The following EYS variants were observed in gnomAD, a reference collection of about 807,000 sequenced individuals.
EYS encodes the protein EGF-like photoreceptor maintenance factor, also known as protein eyes shut homolog.
Under a neutral mutation model 282.1 loss-of-function variants are expected in EYS, and 250 were observed. That is an observed-to-expected ratio of 0.89 (90% CI 0.80 to 0.98). The LOEUF is 0.98. Among genes scored for constraint, EYS ranks in the 50% least tolerant of loss-of-function variants. The probability of loss-of-function intolerance (pLI) is 0.00; values close to 1 mark genes in which losing one functional copy is unlikely to be tolerated. For missense variants in EYS, 4,016 were observed against 3,709.0 expected, an observed-to-expected ratio of 1.08 and a Z score of -2.15; for synonymous variants, 1,355 against 1,282.9, an observed-to-expected ratio of 1.06 and a Z score of -1.20.
intron 35 of EYS, among the ~76,000 whole-genome samples, chr6:63,940,077 C>A (rs1464417953): frequency 6.6e-6 from 1 of 152,154 alleles, no homozygotes; most frequent in African/African-American, 2.4e-5. Flanking sequence ...TTGCATATTG[C>A]AGTAAAAACT....
chr6:65,663,838 G>A (rs1380553397), intron 1 of EYS, among the ~76,000 whole-genome samples: 2 of 146,482 alleles, frequency 1.4e-5, no homozygotes, highest in Non-Finnish European at 3.0e-5. Flanking sequence ...CCGCCACCAC[G>A]CCCAGCTAAT....
intron 5 of EYS, among the ~76,000 whole-genome samples, chr6:65,486,558 T>A (rs1765792125): frequency 6.6e-6 from 1 of 152,214 alleles, no homozygotes; most frequent in African/African-American, 2.4e-5. Context: ...CCTCCATGAT[T>A]CAAGAAAGAC....
At chr6:64,608,941 G>A (rs1767020038) in intron 24 of EYS, among the ~76,000 whole-genome samples, 1 of 152,098 alleles carries the variant, frequency 6.6e-6, no homozygotes, top group African/African-American at 2.4e-5. Flanking sequence ...GGATTTTTAG[G>A]GCATTGTTAC....
intron 30 of EYS, among the ~76,000 whole-genome samples, chr6:64,242,246 C>G (rs1252037576): frequency 6.6e-6 from 1 of 151,986 alleles, no homozygotes; most frequent in Admixed American, 6.6e-5. Context: ...GTTGATCTGT[C>G]TAATATTGAC....
At chr6:64,142,169 C>T (rs75520313) in intron 31 of EYS, among the ~76,000 whole-genome samples, 3,617 of 152,020 alleles carry the variant, frequency 0.024, 128 homozygotes, top group African/African-American at 0.074. Flanking sequence ...CCATGCTGAC[C>T]GTTACCTCTG....
At chr6:65,610,714 A>T (rs948484657) in intron 2 of EYS, among the ~76,000 whole-genome samples, 6 of 152,090 alleles carry the variant, frequency 3.9e-5, no homozygotes, top group African/African-American at 1.4e-4. Context: ...TTTTCACAGG[A>T]TGATATGATG....
At chr6:64,430,354 G>A (rs1013939000) in intron 28 of EYS, among the ~76,000 whole-genome samples, 25 of 152,230 alleles carry the variant, frequency 1.6e-4, no homozygotes, top group Non-Finnish European at 2.5e-4. Context: ...CCAGTACGCC[G>A]GGTGAATCCT....
intron 5 of EYS, among the ~76,000 whole-genome samples, chr6:65,459,968 T>TTATATATATATATATATATA (rs34762215): frequency 1.2e-5 from 1 of 80,672 alleles, no homozygotes; most frequent in Non-Finnish European, 2.6e-5. Flanking sequence ...TTTGTGTATT[T>TTATATATATATATATATATA]TATATATATA....
At chr6:65,538,872 G>C (rs1044203089) in intron 2 of EYS, among the ~76,000 whole-genome samples, 1 of 152,098 alleles carries the variant, frequency 6.6e-6, no homozygotes, top group Non-Finnish European at 1.5e-5. Context: ...AGCCATACTA[G>C]TGTTGCTACA....
intron 26 of EYS, among the ~76,000 whole-genome samples, chr6:64,543,325 A>G (rs1764745725): frequency 6.6e-6 from 1 of 152,148 alleles, no homozygotes; most frequent in African/African-American, 2.4e-5. Flanking sequence ...AAACAGTATT[A>G]AAATGGAGGT....
chr6:65,568,656 C>T (rs952847439), intron 2 of EYS, among the ~76,000 whole-genome samples: 4 of 152,154 alleles, frequency 2.6e-5, no homozygotes, highest in Admixed American at 2.0e-4. Flanking sequence ...TCTATGTAGT[C>T]ATGTCCTCCA....
intron 7 of EYS, among the ~76,000 whole-genome samples, chr6:65,389,391 A>C (rs1055568584): frequency 6.6e-6 from 1 of 152,152 alleles, no homozygotes; most frequent in Non-Finnish European, 1.5e-5. Context: ...TCCCTCTGCC[A>C]TGAACACTCT....
intron 31 of EYS, among the ~76,000 whole-genome samples, chr6:64,156,196 G>T (rs1005509689): frequency 2.6e-5 from 4 of 151,988 alleles, no homozygotes; most frequent in African/African-American, 9.7e-5. Context: ...AATCATGGGG[G>T]TGGTTTCCCC....
At chr6:64,881,587 G>C (rs1766920731) in intron 19 of EYS, among the ~76,000 whole-genome samples, 1 of 151,682 alleles carries the variant, frequency 6.6e-6, no homozygotes, top group Non-Finnish European at 1.5e-5. Flanking sequence ...CTCCTTTAGG[G>C]TAGGGAACCT....
rs972030073 is a variant in EYS, at chr6:65,000,251, GA to G, written c.2138-2549del. On this transcript the variant is annotated intron_variant, in intron 13 of 42. Transcript: ENST00000503581. ...CCCCTGTCACACACCCTGCAAGGGG[GA>G]AAAAGGACCTTTCCCATTTCAACTG... Among the ~76,000 whole-genome samples, 257 of 152,176 alleles carry G rather than the reference GA, an allele frequency of 1.7e-3. 1 individual carries two copies. The highest frequency in any genetic ancestry group is 6.8e-3 in the Admixed American group (104 of 15,280).
At chr6:64,782,916 TAG>T (rs1773905962) in intron 22 of EYS, among the ~76,000 whole-genome samples, 1 of 152,238 alleles carries the variant, frequency 6.6e-6, no homozygotes, top group Non-Finnish European at 1.5e-5. Flanking sequence ...TGGCTTTCCA[TAG>T]TTTAAATTAC....
intron 18 of EYS, among the ~76,000 whole-genome samples, chr6:64,890,644 T>A (rs1216089070): frequency 6.6e-6 from 1 of 152,196 alleles, no homozygotes; most frequent in Admixed American, 6.6e-5. Context: ...CAAAAAGTTC[T>A]GCTTTTTTGT....
At chr6:64,578,898 C>T (rs1765974847) in intron 26 of EYS, among the ~76,000 whole-genome samples, 1 of 152,072 alleles carries the variant, frequency 6.6e-6, no homozygotes, top group Non-Finnish European at 1.5e-5. Flanking sequence ...AATACCATTT[C>T]AAAATATTGC....
At chr6:64,949,883 TAGTAA>T (rs1375501184) in intron 14 of EYS, among the ~76,000 whole-genome samples, 1 of 151,938 alleles carries the variant, frequency 6.6e-6, no homozygotes, top group African/African-American at 2.4e-5. Flanking sequence ...GCCTTGAAGG[TAGTAA>T]TAACTATAAT....
Sources: allele counts gnomAD v4.1 joint callset (sites outside exome capture counted in the v4.1 genomes callset), GRCh38; gene constraint gnomAD v4.1.1; transcripts MANE v1.5; gene names NCBI Gene and HGNC (gene_info 2026-07-23, HGNC 2026-07-21).